Variants in SH3BP2 observed in about 807,000 individuals in gnomAD.
SH3BP2 encodes SH3 domain-binding protein 2.
A neutral mutation model predicts 56.2 loss-of-function variants in SH3BP2; 38 were observed. The observed-to-expected ratio is 0.68, with a 90% confidence interval of 0.52 to 0.89. The LOEUF is 0.89. Among genes scored for constraint, SH3BP2 ranks in the 40% least tolerant of loss-of-function variants. The pLI is 0.00. For synonymous variants in SH3BP2, 346 were observed against 316.7 expected (o/e 1.09, Z -0.98); for missense variants, 748 against 762.6 (o/e 0.98, Z 0.23).
chr4:2,816,546 A>C (rs1011243467), intron 1 of SH3BP2, among the ~76,000 whole-genome samples: 5 of 152,198 alleles, frequency 3.3e-5, no homozygotes, highest in African/African-American at 1.2e-4. Context: ...AAAAACTTTC[A>C]GTCTTTTACC....
In SH3BP2 at chr4:2,836,754, T is replaced by A. The variant is rs1041352970; in HGVS notation, c.*2920T>A. 1 of 152,280 alleles carries A rather than the reference T, an allele frequency of 6.6e-6. No homozygotes were observed. Among genetic ancestry groups the A allele is most frequent in the African/African-American group, 2.4e-5 (1 of 41,464 alleles). The allele number at this position is 152,280 out of a possible 1,614,324, so 9.4% of individuals were successfully genotyped here. A position where few individuals can be genotyped will look rare whatever the true frequency, so the allele number is the denominator to read the frequency against. On this transcript the variant is annotated 3_prime_UTR_variant, in exon 13 of 13. Transcript: ENST00000503393. ...TGCCCCGCCTCACCCTGCGTTGCCCTCTGGGTCTGTGAGGGTGGGCTGGCA... is the reference window on the plus strand; with the variant it reads ...TGCCCCGCCTCACCCTGCGTTGCCCACTGGGTCTGTGAGGGTGGGCTGGCA...
chr4:2,820,892 G>C lies in SH3BP2; in HGVS notation c.136+139G>C, dbSNP rs932725058. On this transcript the variant is annotated intron_variant, in intron 2 of 12. Transcript: ENST00000503393. ...TTTCCCATTCCCTCTCTGGTGGCTG[G>C]CACCCCTGGAGAAGCAGAGGTTGAC... is the stretch of plus-strand genomic sequence containing the variant. 13 of 1,037,634 alleles carry C rather than the reference G, an allele frequency of 1.3e-5. No homozygotes were observed. The East Asian group carries it at 3.4e-4, about 27-fold the overall frequency. The allele number at this position is 1,037,634 out of a possible 1,614,324, so 64.3% of individuals were successfully genotyped here.
intron 1 of SH3BP2, among the ~76,000 whole-genome samples, chr4:2,817,545 C>T (rs540880173): frequency 6.6e-6 from 1 of 152,186 alleles, no homozygotes; most frequent in Non-Finnish European, 1.5e-5. Flanking sequence ...CTGCATCTGG[C>T]CCATCTTGGT....
chr4:2,830,500 T>C (rs1486632519), intron 8 of SH3BP2, among the ~76,000 whole-genome samples: 1 of 152,220 alleles, frequency 6.6e-6, no homozygotes, highest in Non-Finnish European at 1.5e-5. Flanking sequence ...TAGCTGGGAC[T>C]ACAGGCACCT....
At chr4:2,822,231 C>T (rs1226188014) in intron 2 of SH3BP2, among the ~76,000 whole-genome samples, 1 of 152,120 alleles carries the variant, frequency 6.6e-6, no homozygotes, top group Non-Finnish European at 1.5e-5. Context: ...ACACAGCTCA[C>T]TGCAGCCTCG....
In SH3BP2 at chr4:2,833,768, C is replaced by T. The variant is rs758175007; in HGVS notation, c.1620C>T (p.Thr540=). 9.4e-6 allele frequency: 15 copies of T among 1,600,760 alleles called. No individual in the cohort carries two copies. The Admixed American group carries it at 1.9e-4, about 20-fold the overall frequency. ...SVGSMVEHYH[T]HVLPSHQSLL... Reference sequence around the variant, plus strand: ...GCAGCATGGTGGAGCACTACCACACCCACGTGCTGCCCAGCCACCAGAGCC... The same window carrying T: ...GCAGCATGGTGGAGCACTACCACACTCACGTGCTGCCCAGCCACCAGAGCC... Residue 540 remains threonine, a synonymous_variant, in exon 13 of 13, where the codon ACC becomes ACT. Transcript: ENST00000503393.
chr4:2,798,223 C>T (rs1409338244), intron 1 of SH3BP2, among the ~76,000 whole-genome samples: 3 of 152,202 alleles, frequency 2.0e-5, no homozygotes, highest in African/African-American at 7.2e-5. Flanking sequence ...CCCCTGTCCT[C>T]TCCCTGAACG....
At chr4:2,797,683 A>T (rs562092924) in intron 1 of SH3BP2, among the ~76,000 whole-genome samples, 53 of 152,146 alleles carry the variant, frequency 3.5e-4, no homozygotes, top group African/African-American at 1.3e-3. Context: ...ATGCATGTTG[A>T]CCCATCCATG....
At chr4:2,804,206 C>T (rs904015802) in intron 1 of SH3BP2, among the ~76,000 whole-genome samples, 6 of 152,214 alleles carry the variant, frequency 3.9e-5, no homozygotes, top group African/African-American at 1.2e-4. Flanking sequence ...ACCGCCTGCT[C>T]CTGTTCCTCA....
Position 2,827,633 on chromosome 4 carries a change from C to A in SH3BP2, c.545C>A (p.Ser182Tyr). Residue 182 changes from serine (S) to tyrosine (Y), a missense_variant, in exon 7 of 13, where the codon TCC becomes TAC. Ser to Tyr is a moderately radical substitution (Grantham distance 144, BLOSUM62 -2). Coordinates refer to ENST00000503393, the MANE Select transcript of SH3BP2 (RefSeq NM_001122681.2). ...TATGAGCACGACGATGAGGATGACTCCTACCTGGAGCCTGACTCCCCGGAG... is the reference window on the plus strand; with the variant it reads ...TATGAGCACGACGATGAGGATGACTACTACCTGGAGCCTGACTCCCCGGAG... The part of the protein sequence containing the change: ...EDYEHDDEDD[S>Y]YLEPDSPEPG... 6.3e-7 allele frequency: 1 copy of A among 1,599,264 alleles called. No individual in the cohort carries two copies.
Position 2,827,682 on chromosome 4 carries a change from G to C in SH3BP2, c.586+8G>C, listed in dbSNP as rs28516876. On this transcript the variant is annotated splice_region_variant and intron_variant, in intron 7 of 12. Coordinates refer to ENST00000503393, the MANE Select transcript of SH3BP2 (RefSeq NM_001122681.2). ...AGCCCGGAAGGCTTGAGGGTAGGTG[G>C]GGCGGGTGGGCCCGGGGAGCTCTGG... 23 of 1,569,382 alleles carry C rather than the reference G, an allele frequency of 1.5e-5. No individual in the cohort carries two copies. The highest frequency in any genetic ancestry group is 2.0e-5 in the Non-Finnish European group (23 of 1,154,262).
chr4:2,816,735 C>T (rs528184177), intron 1 of SH3BP2, among the ~76,000 whole-genome samples: 2 of 152,302 alleles, frequency 1.3e-5, no homozygotes, highest in South Asian at 2.1e-4. Context: ...TGGTGTATTA[C>T]ATTAATTGTT....
intron 1 of SH3BP2, among the ~76,000 whole-genome samples, chr4:2,801,064 G>A (rs944680760): frequency 4.4e-5 from 6 of 137,928 alleles, no homozygotes; most frequent in African/African-American, 1.3e-4. Context: ...GGTTGGGGGC[G>A]GAGAGGAGGA....
chr4:2,831,790 A>C lies in SH3BP2; in HGVS notation c.1350+111A>C. ...GACCGTCCTGAGCAAGGACCCCCCG[A>C]GAACCCGGGAGCCTAGGGGGACACA... On this transcript the variant is annotated intron_variant, in intron 9 of 12. Transcript: ENST00000503393. This position sits in a 1 kb window ranked among gnomAD's most constrained non-coding sequence, Gnocchi z 4.1. 1 of 1,354,560 alleles carries C rather than the reference A, an allele frequency of 7.4e-7. No individual in the cohort carries two copies. Among genetic ancestry groups the C allele is most frequent in the Non-Finnish European group, 1.0e-6 (1 of 966,244 alleles). The allele number at this position is 1,354,560 out of a possible 1,614,324, so 83.9% of individuals were successfully genotyped here.
At chr4:2,827,528 C>A in intron 6 of SH3BP2, 78 bp from the exon 7 acceptor site, 1 of 1,454,988 alleles carries the variant, frequency 6.9e-7, no homozygotes. Context: ...CTCCTGGACT[C>A]AGCCCCATGC....
At chr4:2,830,188 A>T in intron 8 of SH3BP2, 41 bp downstream of exon 8, 1 of 1,571,328 alleles carries the variant, frequency 6.4e-7, no homozygotes, top group African/African-American at 1.3e-5. Flanking sequence ...CTCCAGCTAC[A>T]GGGACCCTGG....
At chr4:2,800,479 T>C (rs1723223509) in intron 1 of SH3BP2, among the ~76,000 whole-genome samples, 1 of 152,114 alleles carries the variant, frequency 6.6e-6, no homozygotes, top group African/African-American at 2.4e-5. Context: ...GCGGGCTTGC[T>C]TACAGGCCCT....
At chr4:2,816,620 AT>A (rs1724013323) in intron 1 of SH3BP2, among the ~76,000 whole-genome samples, 1 of 152,176 alleles carries the variant, frequency 6.6e-6, no homozygotes, top group African/African-American at 2.4e-5. Context: ...CTTCCCTTCT[AT>A]TCCTGGTTTG....
chr4:2,801,564 G>A (rs928508612), intron 1 of SH3BP2, among the ~76,000 whole-genome samples: 4 of 152,156 alleles, frequency 2.6e-5, no homozygotes, highest in Non-Finnish European at 4.4e-5. Context: ...CTCCCACCCC[G>A]ATGCCTGCTG....
Sources: allele counts gnomAD v4.1 joint callset (sites outside exome capture counted in the v4.1 genomes callset), GRCh38; gene constraint gnomAD v4.1.1; non-coding constraint Gnocchi (gnomAD v3.1); transcripts MANE v1.5; gene names NCBI Gene and HGNC (gene_info 2026-07-23, HGNC 2026-07-21).